The following EPAS1 variants were observed in gnomAD, a reference collection of about 807,000 sequenced individuals.
EPAS1 encodes endothelial PAS domain protein 1, also known as endothelial PAS domain-containing protein 1.
Under a neutral mutation model 87.9 loss-of-function variants are expected in EPAS1, and 23 were observed. The observed-to-expected ratio is 0.26, with a 90% CI of 0.19 to 0.37. EPAS1 has a LOEUF of 0.37. Among genes scored for constraint, EPAS1 ranks in the 10% least tolerant of loss-of-function variants. The pLI is 1.00. For synonymous variants in EPAS1, 508 were observed against 444.3 expected (o/e 1.14, Z -1.80); for missense variants, 1,138 against 1,120.7 (o/e 1.02, Z -0.22).
chr2:46,362,042 C>T (rs893860518), intron 6 of EPAS1, among the ~76,000 whole-genome samples: 9 of 152,254 alleles, frequency 5.9e-5, no homozygotes, highest in Middle Eastern at 3.4e-3. Context: ...CTTGAGTAAG[C>T]GCCACTGGGG....
intron 6 of EPAS1, among the ~76,000 whole-genome samples, chr2:46,367,319 G>C (rs1204778705): frequency 1.3e-5 from 2 of 152,222 alleles, no homozygotes; most frequent in African/African-American, 4.8e-5. Context: ...AATGCCAGTA[G>C]GCTCATTTTG....
chr2:46,334,616 C>T (rs924752904), intron 1 of EPAS1, among the ~76,000 whole-genome samples: 10 of 152,206 alleles, frequency 6.6e-5, no homozygotes, highest in African/African-American at 2.4e-4. Context: ...CACCTCTCTG[C>T]AAGCTCCCTG....
At chr2:46,330,502 G>C (rs1235807044) in intron 1 of EPAS1, among the ~76,000 whole-genome samples, 1 of 152,202 alleles carries the variant, frequency 6.6e-6, no homozygotes, top group Admixed American at 6.5e-5. Flanking sequence ...AGGTTTGTCA[G>C]AAGTTCTCTA....
intron 2 of EPAS1, among the ~76,000 whole-genome samples, chr2:46,355,648 T>C (rs896920098): frequency 2.6e-5 from 4 of 152,232 alleles, no homozygotes; most frequent in Non-Finnish European, 4.4e-5. Context: ...CAGGCATACT[T>C]TGATTGATGT....
chr2:46,383,364 A>C (rs911808710), intron 15 of EPAS1, among the ~76,000 whole-genome samples: 2 of 152,226 alleles, frequency 1.3e-5, no homozygotes, highest in African/African-American at 2.4e-5. Flanking sequence ...ACCCTGGGCC[A>C]CCTTCATCTT....
At position 46,347,167 on chromosome 2, in the gene EPAS1, T is replaced by G; in HGVS notation, c.217+104T>G. On this transcript the variant is annotated intron_variant, in intron 2 of 15. Coordinates refer to ENST00000263734, the MANE Select transcript of EPAS1 (RefSeq NM_001430.5). The surrounding 1 kb of genome is among the most constrained non-coding windows in gnomAD (Gnocchi z 4.2). ...TGCCAGAGCTGGAAAGTCACCCCAC[T>G]ACAGAACTTTCACCCACAGAAACAC... 1 of 1,298,968 alleles carries G rather than the reference T, an allele frequency of 7.7e-7. No individual in the cohort carries two copies. Among genetic ancestry groups the G allele is most frequent in the Non-Finnish European group, 1.1e-6 (1 of 899,888 alleles). The allele number at this position is 1,298,968 out of a possible 1,614,324, so 80.5% of individuals were successfully genotyped here.
chr2:46,356,127 T>TGGGGGGGGGGGGGGGGGGG, intron 2 of EPAS1, 24 bp from the exon 3 acceptor site: 201 of 1,394,994 alleles, frequency 1.4e-4, no homozygotes, highest in Middle Eastern at 6.2e-4. Context: ...TCATGCAAGC[T>TGGGGGGGGGGGGGGGGGGG]GTCCCACCCC....
chr2:46,313,138 G>A (rs1159389014), intron 1 of EPAS1, among the ~76,000 whole-genome samples: 3 of 152,164 alleles, frequency 2.0e-5, no homozygotes, highest in Admixed American at 6.5e-5. Flanking sequence ...TTGTCCTTCC[G>A]GTGTTACTAG....
intron 1 of EPAS1, among the ~76,000 whole-genome samples, chr2:46,331,120 G>A (rs1167499320): frequency 6.6e-6 from 1 of 152,208 alleles, no homozygotes; most frequent in Non-Finnish European, 1.5e-5. Flanking sequence ...AGACGCTGAG[G>A]TTTAGAGAAA....
At chr2:46,361,447 C>T (rs1684385382) in intron 6 of EPAS1, among the ~76,000 whole-genome samples, 1 of 152,320 alleles carries the variant, frequency 6.6e-6, no homozygotes, top group South Asian at 2.1e-4. Flanking sequence ...TCCATCTGTA[C>T]TCCTGCTTCA....
rs886056097 is a variant in EPAS1, at chr2:46,385,393, C to G, written c.*733C>G. On this transcript the variant is annotated 3_prime_UTR_variant, in exon 16 of 16. Transcript: ENST00000263734. ...TTTTAAAAGAGGAGAAAATTTATATCTGGGTTAAGTGTTTATCATATATAT... is the reference window on the plus strand; with the variant it reads ...TTTTAAAAGAGGAGAAAATTTATATGTGGGTTAAGTGTTTATCATATATAT... 6.6e-6 allele frequency: 1 copy of G among 152,448 alleles called. No individual in the cohort carries two copies. Among genetic ancestry groups the G allele is most frequent in the Non-Finnish European group, 1.5e-5 (1 of 68,086 alleles). The allele number at this position is 152,448 out of a possible 1,614,324, so 9.4% of individuals were successfully genotyped here.
At chr2:46,376,496 T>C (rs780160614) in intron 8 of EPAS1, 43 bp from the exon 9 acceptor site, 1 of 1,608,426 alleles carries the variant, frequency 6.2e-7, no homozygotes, top group South Asian at 1.1e-5. Flanking sequence ...AGAATTTTTC[T>C]AGAAAATGTG....
intron 1 of EPAS1, among the ~76,000 whole-genome samples, chr2:46,332,951 G>A (rs59638376): frequency 0.051 from 7,764 of 152,222 alleles, 400 homozygotes; most frequent in East Asian, 0.26. Context: ...GCCCTTGTCC[G>A]GACTTGTTCA....
At chr2:46,311,326 C>T (rs1258404742) in intron 1 of EPAS1, among the ~76,000 whole-genome samples, 10 of 152,192 alleles carry the variant, frequency 6.6e-5, no homozygotes, top group Non-Finnish European at 1.2e-4. Flanking sequence ...GTGCAGGCTG[C>T]TGAGCCTCAG....
At chr2:46,368,008 G>C (rs1422375353) in intron 6 of EPAS1, among the ~76,000 whole-genome samples, 3 of 152,200 alleles carry the variant, frequency 2.0e-5, no homozygotes, top group African/African-American at 7.2e-5. Context: ...AGCAGTGCTG[G>C]GATAAACAGG....
chr2:46,298,111 C>T (rs1682923470), intron 1 of EPAS1, among the ~76,000 whole-genome samples, 174 bp downstream of exon 1: 1 of 152,102 alleles, frequency 6.6e-6, no homozygotes, highest in East Asian at 1.9e-4. Flanking sequence ...GGGCGCGGAT[C>T]AGCAGCTTTG....
At chr2:46,363,316 A>T (rs1684440241) in intron 6 of EPAS1, among the ~76,000 whole-genome samples, 1 of 152,168 alleles carries the variant, frequency 6.6e-6, no homozygotes, top group Admixed American at 6.5e-5. Flanking sequence ...CACCCTGGTG[A>T]ATGAAGCACA....
intron 1 of EPAS1, among the ~76,000 whole-genome samples, chr2:46,328,837 C>T (rs1683615101): frequency 6.6e-6 from 1 of 152,264 alleles, no homozygotes. Context: ...GAACACAAGT[C>T]TGCCTTCCAG....
intron 1 of EPAS1, among the ~76,000 whole-genome samples, chr2:46,323,652 C>A (rs1008678436): frequency 3.3e-5 from 5 of 152,202 alleles, no homozygotes; most frequent in African/African-American, 7.2e-5. Flanking sequence ...CCAAAGTCAT[C>A]CACAGATTGA....
Sources: gnomAD v4.1 joint callset for allele counts (sites outside exome capture counted in the v4.1 genomes callset) on GRCh38, gnomAD v4.1.1 for gene constraint, Gnocchi (gnomAD v3.1) non-coding constraint, MANE v1.5 for transcripts, NCBI Gene and HGNC (gene_info 2026-07-23, HGNC 2026-07-21) for gene names.